TPX2: variants seen among roughly 807,000 people sequenced by gnomAD.
TPX2 encodes the protein targeting protein for Xklp2.
In TPX2, 21 loss-of-function variants were observed where a neutral mutation model predicts 93.6. The observed-to-expected ratio is 0.22, with a 90% CI of 0.16 to 0.32. The LOEUF (loss-of-function observed/expected upper bound fraction) is 0.32. TPX2 is among the 10% of genes least tolerant of loss of function. The pLI is 1.00. For missense variants in TPX2, 776 were observed against 871.1 expected (o/e 0.89, Z 1.37); for synonymous variants, 281 against 298.3 (o/e 0.94, Z 0.60).
chr20:31,759,512 G>A (rs2061874804), intron 3 of TPX2, among the ~76,000 whole-genome samples: 1 of 146,964 alleles, frequency 6.8e-6, no homozygotes, highest in Admixed American at 7.0e-5. Context: ...CGATTCCCCT[G>A]CCTCAGCTTC....
At chr20:31,748,624 T>A (rs1251446231) in intron 2 of TPX2, among the ~76,000 whole-genome samples, 1 of 152,202 alleles carries the variant, frequency 6.6e-6, no homozygotes, top group African/African-American at 2.4e-5. Flanking sequence ...TTTGAAGCAA[T>A]GTTTATAGGA....
intron 15 of TPX2, 54 bp from the exon 16 acceptor site, chr20:31,797,350 A>G: frequency 6.7e-7 from 1 of 1,488,466 alleles, no homozygotes; most frequent in South Asian, 1.1e-5. Context: ...TTATTGAGGT[A>G]GTGGTCATAG....
intron 12 of TPX2, among the ~76,000 whole-genome samples, chr20:31,785,569 C>T (rs2062060763): frequency 6.6e-6 from 1 of 151,386 alleles, no homozygotes; most frequent in African/African-American, 2.4e-5. Context: ...GTGATCTCGG[C>T]TCATGGCAAC....
intron 17 of TPX2, among the ~76,000 whole-genome samples, chr20:31,800,057 G>A (rs2062160751): frequency 2.6e-5 from 4 of 151,972 alleles, no homozygotes. Context: ...GAAAAGCGTG[G>A]GCAACATAGC....
chr20:31,758,084 C>T (rs2061862798), intron 3 of TPX2, among the ~76,000 whole-genome samples: 1 of 150,550 alleles, frequency 6.6e-6, no homozygotes, highest in South Asian at 2.1e-4. Flanking sequence ...TTTATAATTA[C>T]CCTCACCTCC....
chr20:31,793,143 C>T (rs1235247488), intron 13 of TPX2, among the ~76,000 whole-genome samples: 1 of 152,130 alleles, frequency 6.6e-6, no homozygotes, highest in Non-Finnish European at 1.5e-5. Context: ...TCAAAAGTTG[C>T]ACTTTATTTT....
At position 31,775,903 on chromosome 20, in the gene TPX2, G is replaced by A. The variant is rs2123038881; in HGVS notation, c.645G>A (p.Leu215=). The part of the protein sequence containing the change: ...KFLKSTEEQE[L]EKSMKMQQEV... ...TAAAAAGTACTGAGGAGCAAGAGCT[G>A]GAGAAGAGTATGAAAATGCAGCAAG... Residue 215 remains leucine, a synonymous_variant, in exon 8 of 18, where the codon CTG becomes CTA. Coordinates refer to ENST00000300403, the MANE Select transcript of TPX2 (RefSeq NM_012112.5). 1 of 1,605,606 alleles carries A rather than the reference G, an allele frequency of 6.2e-7. No individual in the cohort carries two copies. Among genetic ancestry groups the A allele is most frequent in the South Asian group, 1.1e-5 (1 of 89,968 alleles).
At chr20:31,747,722 T>C (rs565711928) in intron 2 of TPX2, among the ~76,000 whole-genome samples, 1 of 152,226 alleles carries the variant, frequency 6.6e-6, no homozygotes, top group Non-Finnish European at 1.5e-5. Flanking sequence ...CTGATTCTCT[T>C]GCTTGGCAAC....
intron 10 of TPX2, among the ~76,000 whole-genome samples, chr20:31,781,544 C>T (rs190837567): frequency 2.3e-3 from 344 of 151,574 alleles, no homozygotes; most frequent in Middle Eastern, 6.8e-3. Flanking sequence ...GGATTACAGG[C>T]GTGAGCCACT....
rs755500564 is a variant in TPX2, at chr20:31,783,768, G to A, written c.1260G>A (p.Lys420=). 9.9e-6 allele frequency: 16 copies of A among 1,613,406 alleles called. No homozygotes were observed. In the South Asian group the frequency reaches 1.8e-4, roughly 18 times the overall value. The change falls in exon 12 of 18, where the codon AAG becomes AAA. Residue 420 remains lysine, a synonymous_variant. Coordinates refer to ENST00000300403, the MANE Select transcript of TPX2 (RefSeq NM_012112.5). ...RILEGGPILP[K]KPPVKPPTEP... The stretch of plus-strand genomic sequence containing the variant: ...TTGAAGGTGGGCCCATCTTGCCCAA[G>A]AAACCACCTGTGAAACCACCCACCG...
Position 31,782,239 on chromosome 20 carries a change from C to CTGTTTACA in TPX2, c.1055-9_1055-2dup, listed in dbSNP as rs777848461. On this transcript the variant is annotated splice_polypyrimidine_tract_variant and intron_variant, in intron 10 of 17. Transcript: ENST00000300403. ...GGATCTAGATGAACATCTGTCATCT[C>CTGTTTACA]TGTTTACAGACCTGTTACCCTCCAA... is the stretch of plus-strand genomic sequence containing the variant. 2.7e-5 allele frequency: 43 copies of CTGTTTACA among 1,601,870 alleles called. No individual in the cohort carries two copies. The Middle Eastern group carries it at 5.0e-4, about 19-fold the overall frequency.
intron 5 of TPX2, among the ~76,000 whole-genome samples, chr20:31,768,725 A>T (rs551847875): frequency 7.9e-5 from 12 of 152,228 alleles, no homozygotes; most frequent in Non-Finnish European, 1.2e-4. Context: ...TCCAGAGTAT[A>T]CAAAGAATTA....
At chr20:31,796,989 G>A (rs914801314) in intron 15 of TPX2, among the ~76,000 whole-genome samples, 5 of 151,084 alleles carry the variant, frequency 3.3e-5, no homozygotes, top group Non-Finnish European at 7.4e-5. Flanking sequence ...TTTGTGTTTG[G>A]AATCTTTTTT....
chr20:31,793,971 A>G lies in TPX2; in HGVS notation c.1633A>G (p.Lys545Glu), dbSNP rs1037437543. 1.4e-5 allele frequency: 23 copies of G among 1,613,792 alleles called. No individual in the cohort carries two copies. Among genetic ancestry groups the G allele is most frequent in the East Asian group, 2.2e-5 (1 of 44,880 alleles). Reference protein sequence around the residue: ...ICPFSFDSRDKERQLQKEKKI... With the variant: ...ICPFSFDSRDEERQLQKEKKI... ...CCCTTTCTCGTTTGATTCTCGAGAC[A>G]AAGAACGTCAGTTACAGAAGGAGAA... The change falls in exon 14 of 18, where the codon AAA becomes GAA. Residue 545 changes from lysine to glutamate, a missense_variant. Lys to Glu is a moderately conservative substitution (Grantham distance 56). Around this residue, in one of 3 missense-constraint regions of TPX2, gnomAD observed 461 missense variants for 551.2 expected, o/e 0.84. Coordinates refer to ENST00000300403, the MANE Select transcript of TPX2 (RefSeq NM_012112.5).
chr20:31,793,807 G>A, intron 13 of TPX2, 41 bp from the exon 14 acceptor site: 1 of 1,514,120 alleles, frequency 6.6e-7, no homozygotes, highest in Non-Finnish European at 8.9e-7. Flanking sequence ...AAGTTGGAGA[G>A]AGTGAGGAGT....
At chr20:31,787,097 C>T (rs959797574) in intron 12 of TPX2, among the ~76,000 whole-genome samples, 5 of 151,458 alleles carry the variant, frequency 3.3e-5, no homozygotes, top group African/African-American at 1.2e-4. Flanking sequence ...TTATTGAGTG[C>T]TTACATTGTC....
In TPX2 at chr20:31,764,410, C is replaced by T. The variant is rs1036552545; in HGVS notation, c.230-2146C>T. ...TTTTGAACTCCTGGGCTCAAGTGCT[C>T]CACCCACCTCAGCCTTCCAAAGTTC... is the stretch of plus-strand genomic sequence containing the variant. On this transcript the variant is annotated intron_variant, in intron 4 of 17. Coordinates refer to ENST00000300403, the MANE Select transcript of TPX2 (RefSeq NM_012112.5). 3.3e-5 allele frequency among the ~76,000 whole-genome samples: 5 copies of T among 152,076 alleles called. No homozygotes were observed. In the East Asian group the frequency reaches 7.7e-4, roughly 23 times the overall value.
chr20:31,792,487 G>A (rs1161068929), intron 12 of TPX2, among the ~76,000 whole-genome samples: 1 of 151,992 alleles, frequency 6.6e-6, no homozygotes, highest in Non-Finnish European at 1.5e-5. Flanking sequence ...TATTTTCTGT[G>A]CTTAGATTAA....
chr20:31,791,608 A>G (rs1034732801), intron 12 of TPX2, among the ~76,000 whole-genome samples: 1 of 152,186 alleles, frequency 6.6e-6, no homozygotes, highest in African/African-American at 2.4e-5. Flanking sequence ...TCAGGAAGTA[A>G]TGTGATCAAA....
Sources: allele counts gnomAD v4.1 joint callset (sites outside exome capture counted in the v4.1 genomes callset), GRCh38; gene constraint gnomAD v4.1.1; regional missense constraint gnomAD v4.1.1; transcripts MANE v1.5; gene names NCBI Gene and HGNC (gene_info 2026-07-23, HGNC 2026-07-21).